The following TEKT5 variants were observed in gnomAD, a reference collection of about 807,000 sequenced individuals.
TEKT5 encodes tektin 5, also known as tektin-5.
TEKT5 carries 52 observed loss-of-function variants against 48.7 expected under a neutral mutation model. That is an observed-to-expected ratio of 1.07 (90% CI 0.86 to 1.35). The LOEUF is 1.35. Among genes scored for constraint, TEKT5 ranks in the 40% most tolerant of loss-of-function variants. The probability of loss-of-function intolerance (pLI) is 0.00; values close to 1 mark genes in which losing one functional copy is unlikely to be tolerated. For synonymous variants in TEKT5, 318 were observed against 267.6 expected (o/e 1.19, Z -1.84); for missense variants, 831 against 641.6 (o/e 1.30, Z -3.19).
Position 10,676,091 on chromosome 16 carries a change from C to T in TEKT5, c.954G>A (p.Glu318=), listed in dbSNP as rs1258215866. 2 of 1,614,236 alleles carry T rather than the reference C, an allele frequency of 1.2e-6. No individual in the cohort carries two copies. Among genetic ancestry groups the T allele is most frequent in the East Asian group, 2.2e-5 (1 of 44,886 alleles). Residue 318 remains glutamate, a synonymous_variant, in exon 5 of 7, where the codon GAG becomes GAA. Transcript: ENST00000283025. The stretch of plus-strand genomic sequence containing the variant: ...AGGTCTCAAAGAGGTGCTCCGCCTC[C>T]TCCCGCAGCTGGATGGAGTTGGCCC... ...NMRANSIQLR[E]EAEHLFETLS...
chr16:10,676,611 C>A (rs76161072), intron 4 of TEKT5, among the ~76,000 whole-genome samples: 1 of 152,174 alleles, frequency 6.6e-6, no homozygotes, highest in Non-Finnish European at 1.5e-5. Context: ...AGAAACACAA[C>A]GTGGACAAGC....
intron 3 of TEKT5, among the ~76,000 whole-genome samples, chr16:10,688,072 G>C (rs1238849295): frequency 6.6e-6 from 1 of 152,122 alleles, no homozygotes; most frequent in Non-Finnish European, 1.5e-5. Flanking sequence ...TTTTTTAAGT[G>C]AATCAATTTA....
intron 5 of TEKT5, among the ~76,000 whole-genome samples, chr16:10,669,452 C>G (rs1468010400): frequency 6.6e-6 from 1 of 152,060 alleles, no homozygotes; most frequent in Non-Finnish European, 1.5e-5. Flanking sequence ...AAGAGAGACC[C>G]TGTCTCCAAA....
chr16:10,657,756 ATT>A (rs59166602), intron 5 of TEKT5, among the ~76,000 whole-genome samples: 5,066 of 134,848 alleles, frequency 0.038, 167 homozygotes, highest in East Asian at 0.21. Context: ...CGCCAAGCTA[ATT>A]TTTTTTTTTT....
intron 6 of TEKT5, among the ~76,000 whole-genome samples, chr16:10,630,052 C>T (rs1214461936): frequency 2.6e-5 from 4 of 152,186 alleles, no homozygotes; most frequent in Admixed American, 2.6e-4. Flanking sequence ...CCTCCAGCCT[C>T]AGCCTCCCAA....
At chr16:10,677,206 A>G (rs1282416545) in intron 4 of TEKT5, among the ~76,000 whole-genome samples, 4 of 148,586 alleles carry the variant, frequency 2.7e-5, no homozygotes, top group Admixed American at 2.7e-4. Flanking sequence ...AAGCAGCAGC[A>G]GCAGGAGGAT....
intron 6 of TEKT5, among the ~76,000 whole-genome samples, 166 bp from the exon 7 acceptor site, chr16:10,627,965 G>A (rs550799920): frequency 6.6e-6 from 1 of 151,548 alleles, no homozygotes; most frequent in South Asian, 2.1e-4. Flanking sequence ...TCAGCCTCCC[G>A]AGTAGCTGGG....
intron 5 of TEKT5, among the ~76,000 whole-genome samples, chr16:10,662,986 C>T (rs1898399718): frequency 6.6e-6 from 1 of 152,186 alleles, no homozygotes; most frequent in Admixed American, 6.5e-5. Flanking sequence ...CAATTATGAT[C>T]ACCCACTCTC....
At chr16:10,642,195 C>G (rs1898004579) in intron 5 of TEKT5, among the ~76,000 whole-genome samples, 1 of 152,156 alleles carries the variant, frequency 6.6e-6, no homozygotes, top group Non-Finnish European at 1.5e-5. Flanking sequence ...GAGGCACTAG[C>G]CCTCCCAGGG....
At chr16:10,684,019 G>A (rs1183014509) in intron 3 of TEKT5, among the ~76,000 whole-genome samples, 6 of 152,138 alleles carry the variant, frequency 3.9e-5, no homozygotes, top group Admixed American at 6.5e-5. Flanking sequence ...TTAATACTAC[G>A]TAGGCACTCG....
At chr16:10,685,937 C>G (rs1357785791) in intron 3 of TEKT5, among the ~76,000 whole-genome samples, 1 of 152,202 alleles carries the variant, frequency 6.6e-6, no homozygotes, top group Admixed American at 6.5e-5. Context: ...TCCAGCTCCC[C>G]ACTTCAAGTC....
At chr16:10,669,736 T>G (rs1157957956) in intron 5 of TEKT5, among the ~76,000 whole-genome samples, 1 of 150,142 alleles carries the variant, frequency 6.7e-6, no homozygotes, top group African/African-American at 2.5e-5. Flanking sequence ...CCCCTACACA[T>G]TAAGAGATCC....
At chr16:10,674,062 T>C (rs1898597738) in intron 5 of TEKT5, among the ~76,000 whole-genome samples, 1 of 152,020 alleles carries the variant, frequency 6.6e-6, no homozygotes, top group African/African-American at 2.4e-5. Context: ...CTTCAAAGGC[T>C]CCCCATTGCT....
At chr16:10,641,886 T>A (rs1897998715) in intron 5 of TEKT5, among the ~76,000 whole-genome samples, 1 of 152,236 alleles carries the variant, frequency 6.6e-6, no homozygotes, top group African/African-American at 2.4e-5. Context: ...TCAACTGGAA[T>A]TAGGCAAAGC....
Position 10,690,016 on chromosome 16 carries a change from C to T in TEKT5, c.574G>A (p.Glu192Lys), listed in dbSNP as rs756825146. The part of the protein sequence containing the change: ...EVNCPLQVAL[E>K]CLYHREKRIG... Reference sequence around the variant, plus strand: ...CTCTTCTCTCGATGGTACAGACACTCCAAGGCCACCTGTGGGAAGCAGCAG... The same window carrying T: ...CTCTTCTCTCGATGGTACAGACACTTCAAGGCCACCTGTGGGAAGCAGCAG... The change falls in exon 2 of 7, where the codon GAG becomes AAG. Residue 192 changes from glutamate (E) to lysine (K), a missense_variant. Coordinates refer to ENST00000283025, the MANE Select transcript of TEKT5 (RefSeq NM_144674.2). The T allele has an allele frequency of 2.5e-5, 40 of 1,613,984 alleles. No homozygotes were observed. In the Admixed American group the frequency reaches 6.5e-4, roughly 26 times the overall value.
At position 10,694,666 on chromosome 16, in the gene TEKT5, T is replaced by C. The variant is rs771555077; in HGVS notation, c.208A>G (p.Ser70Gly). 5 of 1,613,352 alleles carry C rather than the reference T, an allele frequency of 3.1e-6. No individual in the cohort carries two copies. The South Asian group carries it at 5.5e-5, about 18-fold the overall frequency. Residue 70 changes from serine to glycine, a missense_variant, in exon 1 of 7, where the codon AGT becomes GGT. Transcript: ENST00000283025. The part of the protein sequence containing the change: ...NVQTCPDEST[S>G]TLRPPTILPT... The stretch of plus-strand genomic sequence containing the variant: ...AGGATGGTGGGCGGCCGCAGGGTAC[T>C]GGTGCTCTCGTCCGGGCAGGTCTGG...
At chr16:10,678,997 T>C (rs1030609052) in intron 4 of TEKT5, among the ~76,000 whole-genome samples, 16 of 152,170 alleles carry the variant, frequency 1.1e-4, no homozygotes, top group Non-Finnish European at 2.1e-4. Context: ...CAGTATTCAA[T>C]GTAGATTCAG....
Position 10,694,443 on chromosome 16 carries a change from C to T in TEKT5, c.431G>A (p.Arg144Lys). 6.2e-7 allele frequency: 1 copy of T among 1,614,218 alleles called. No individual in the cohort carries two copies. The highest frequency in any genetic ancestry group is 8.5e-7 in the Non-Finnish European group (1 of 1,180,046). ...QEGTCRNLGQRLSDIGFWKSE... is the reference protein window; with the variant it reads ...QEGTCRNLGQKLSDIGFWKSE... ...CTTCCAGAAGCCAATGTCCGACAGC[C>T]TCTGGCCCAGGTTCCGGCAGGTGCC... The change falls in exon 1 of 7, where the codon AGG (arginine) becomes AAG (lysine). Residue 144 changes from arginine to lysine, a missense_variant. Coordinates refer to ENST00000283025, the MANE Select transcript of TEKT5 (RefSeq NM_144674.2).
At chr16:10,685,276 G>C (rs1159642938) in intron 3 of TEKT5, among the ~76,000 whole-genome samples, 1 of 152,034 alleles carries the variant, frequency 6.6e-6, no homozygotes, top group Admixed American at 6.5e-5. Flanking sequence ...CTCTATCCAA[G>C]CTCAAGCATC....
Sources: allele counts gnomAD v4.1 joint callset (sites outside exome capture counted in the v4.1 genomes callset), GRCh38; gene constraint gnomAD v4.1.1; transcripts MANE v1.5; gene names NCBI Gene and HGNC (gene_info 2026-07-23, HGNC 2026-07-21).